Variants in RAB5A observed in about 807,000 individuals in gnomAD.
RAB5A encodes RAB5A, member RAS oncogene family, also known as ras-related protein Rab-5A.
RAB5A carries 8 observed loss-of-function variants against 25.7 expected under a neutral mutation model. The ratio of observed to expected loss-of-function variants is 0.31; its 90% CI spans 0.18 to 0.56. RAB5A has a LOEUF of 0.56. RAB5A is among the 20% of genes least tolerant of loss of function. The pLI is 0.91. For synonymous variants in RAB5A, 98 were observed against 89.8 expected (o/e 1.09, Z -0.52); for missense variants, 192 against 259.7 (o/e 0.74, Z 1.79).
chr3:19,978,224 C>T (rs967099253), intron 4 of RAB5A, 86 bp from the exon 5 acceptor site: 15 of 868,252 alleles, frequency 1.7e-5, no homozygotes, highest in Admixed American at 2.0e-5. Context: ...ATAAGAAAGT[C>T]TCCTTTTCTA....
intron 2 of RAB5A, among the ~76,000 whole-genome samples, chr3:19,962,568 CA>C (rs879491469): frequency 2.3e-4 from 32 of 142,000 alleles, no homozygotes; most frequent in East Asian, 2.0e-4. Flanking sequence ...GAGTCCATCT[CA>C]AAAAAAAAAA....
Position 19,983,848 on chromosome 3 carries a change from T to G in RAB5A, c.*25T>G, listed in dbSNP as rs749495889. On this transcript the variant is annotated 3_prime_UTR_variant, in exon 6 of 6. Coordinates refer to ENST00000273047, the MANE Select transcript of RAB5A (RefSeq NM_004162.5). ...AACCTCTAGTTTGAACTAGCTGGAA[T>G]AGTCTTCTGCTTCCTAAATGTTAAT... The G allele has an allele frequency of 7.0e-7, 1 of 1,432,078 alleles. No individual in the cohort carries two copies. Among genetic ancestry groups the G allele is most frequent in the Non-Finnish European group, 9.8e-7 (1 of 1,021,894 alleles). The allele number at this position is 1,432,078 out of a possible 1,614,324, so 88.7% of individuals were successfully genotyped here. A position where few individuals can be genotyped will look rare whatever the true frequency, so the allele number is the denominator to read the frequency against.
intron 2 of RAB5A, among the ~76,000 whole-genome samples, chr3:19,954,421 T>C (rs1424720828): frequency 6.6e-6 from 1 of 152,232 alleles, no homozygotes; most frequent in Non-Finnish European, 1.5e-5. Context: ...AAGGTGGATA[T>C]CATATGTTAC....
chr3:19,978,696 T>G (rs1371040966), intron 5 of RAB5A: 2 of 207,326 alleles, frequency 9.6e-6, no homozygotes, highest in Non-Finnish European at 1.9e-5. Context: ...AACCTGATAG[T>G]TCAGACAGAC....
chr3:19,965,834 A>G (rs753377299), intron 2 of RAB5A, among the ~76,000 whole-genome samples: 1 of 151,870 alleles, frequency 6.6e-6, no homozygotes, highest in Non-Finnish European at 1.5e-5. Flanking sequence ...CTGAGCCACA[A>G]ACCTCTCCCA....
At chr3:19,955,511 A>G (rs566989004) in intron 2 of RAB5A, among the ~76,000 whole-genome samples, 4 of 152,334 alleles carry the variant, frequency 2.6e-5, no homozygotes, top group South Asian at 2.1e-4. Context: ...ACGTTTGAGT[A>G]GTTGATTTTA....
chr3:19,982,833 A>G (rs1201577493), intron 5 of RAB5A, among the ~76,000 whole-genome samples: 1 of 152,128 alleles, frequency 6.6e-6, no homozygotes, highest in Non-Finnish European at 1.5e-5. Context: ...CAGGAAGGAA[A>G]TAGTAGATAT....
At chr3:19,970,376 C>G (rs944997052) in intron 2 of RAB5A, among the ~76,000 whole-genome samples, 21 of 152,122 alleles carry the variant, frequency 1.4e-4, no homozygotes, top group African/African-American at 4.3e-4. Context: ...CACCTGATTC[C>G]AGGGTCTGTG....
chr3:19,977,185 G>T (rs1696839230), intron 4 of RAB5A, among the ~76,000 whole-genome samples: 1 of 151,312 alleles, frequency 6.6e-6, no homozygotes, highest in African/African-American at 2.4e-5. Context: ...CCATTCTGCT[G>T]CCTCAGCCTC....
At chr3:19,977,317 A>T (rs919815529) in intron 4 of RAB5A, among the ~76,000 whole-genome samples, 1 of 152,004 alleles carries the variant, frequency 6.6e-6, no homozygotes, top group Non-Finnish European at 1.5e-5. Flanking sequence ...CTTGTGATCC[A>T]CCCGCCTCCG....
intron 2 of RAB5A, among the ~76,000 whole-genome samples, chr3:19,960,735 A>G (rs1696572919): frequency 1.3e-5 from 2 of 152,262 alleles, no homozygotes; most frequent in Admixed American, 6.5e-5. Context: ...AGAATGCTCT[A>G]CAAATCAGAA....
intron 1 of RAB5A, 88 bp downstream of exon 1, chr3:19,947,609 C>G (rs1360939164): frequency 3.3e-5 from 5 of 152,620 alleles, no homozygotes; most frequent in Non-Finnish European, 7.3e-5. Context: ...CCTGCCGGTA[C>G]TGAGACCCCC....
intron 2 of RAB5A, among the ~76,000 whole-genome samples, chr3:19,962,380 T>TTGC (rs1696599187): frequency 6.6e-6 from 1 of 152,078 alleles, no homozygotes; most frequent in Non-Finnish European, 1.5e-5. Flanking sequence ...CCAGCCTGAC[T>TTGC]AACATAGTGA....
rs1324258222 is a variant in RAB5A at position 19,947,362 on chromosome 3, C to G, written c.-253C>G. 5.5e-6 allele frequency: 1 copy of G among 181,822 alleles called. No individual in the cohort carries two copies. The highest frequency in any genetic ancestry group is 1.1e-5 in the Non-Finnish European group (1 of 89,384). The allele number at this position is 181,822 out of a possible 1,614,324, so 11.3% of individuals were successfully genotyped here. ...GCCCGACAGGGGCGGCACCACGGCA[C>G]GAGCCCCGCACAGTCCAGTGTGAGG... On this transcript the variant is annotated 5_prime_UTR_variant, in exon 1 of 6. Coordinates refer to ENST00000273047, the MANE Select transcript of RAB5A (RefSeq NM_004162.5).
At chr3:19,980,645 T>C (rs1696908072) in intron 5 of RAB5A, among the ~76,000 whole-genome samples, 1 of 152,212 alleles carries the variant, frequency 6.6e-6, no homozygotes, top group Non-Finnish European at 1.5e-5. Context: ...CATGATTGAT[T>C]ACTCAATCTG....
intron 1 of RAB5A, among the ~76,000 whole-genome samples, chr3:19,950,520 A>G (rs1696407564): frequency 6.6e-6 from 1 of 152,216 alleles, no homozygotes; most frequent in Non-Finnish European, 1.5e-5. Context: ...CCTCATTTAT[A>G]AGGATTGTAA....
At chr3:19,960,277 G>A (rs1296188840) in intron 2 of RAB5A, among the ~76,000 whole-genome samples, 2 of 152,120 alleles carry the variant, frequency 1.3e-5, no homozygotes, top group East Asian at 3.9e-4. Flanking sequence ...AGATGTGTGA[G>A]AGTAAGAAAA....
At chr3:19,966,447 A>C (rs1303928242) in intron 2 of RAB5A, among the ~76,000 whole-genome samples, 1 of 152,226 alleles carries the variant, frequency 6.6e-6, no homozygotes, top group African/African-American at 2.4e-5. Flanking sequence ...ATCATTGGAC[A>C]CTTAGGTTGC....
At chr3:19,976,905 A>G (rs1378952456) in intron 4 of RAB5A, among the ~76,000 whole-genome samples, 3 of 152,268 alleles carry the variant, frequency 2.0e-5, no homozygotes, top group African/African-American at 4.8e-5. Flanking sequence ...GGTTCTGCCA[A>G]TCTGTATCCA....
Sources: gnomAD v4.1 joint callset for allele counts (sites outside exome capture counted in the v4.1 genomes callset) on GRCh38, gnomAD v4.1.1 for gene constraint, MANE v1.5 for transcripts, NCBI Gene and HGNC (gene_info 2026-07-23, HGNC 2026-07-21) for gene names.